BMP5: variants seen among roughly 807,000 people sequenced by gnomAD.
BMP5 encodes bone morphogenetic protein 5.
BMP5 carries 23 observed loss-of-function variants against 46.6 expected under a neutral mutation model. The ratio of observed to expected loss-of-function variants is 0.49; its 90% CI spans 0.35 to 0.70. BMP5 has a LOEUF of 0.70. Among genes scored for constraint, BMP5 ranks in the 30% least tolerant of loss-of-function variants. BMP5 has a pLI of 0.00. For synonymous variants in BMP5, 204 were observed against 191.9 expected (o/e 1.06, Z -0.52); for missense variants, 545 against 565.6 (o/e 0.96, Z 0.37).
intron 4 of BMP5, among the ~76,000 whole-genome samples, chr6:55,770,821 G>A (rs2127519829): frequency 6.6e-6 from 1 of 151,968 alleles, no homozygotes; most frequent in Non-Finnish European, 1.5e-5. Flanking sequence ...GGGAACCCAA[G>A]AGAAGGGAAA....
intron 1 of BMP5, among the ~76,000 whole-genome samples, chr6:55,834,841 G>A (rs1462414080): frequency 2.0e-5 from 3 of 152,178 alleles, no homozygotes; most frequent in South Asian, 2.1e-4. Context: ...AGCACTTTGG[G>A]AAGTTGAGGC....
At chr6:55,781,933 A>G (rs1246774521) in intron 3 of BMP5, among the ~76,000 whole-genome samples, 1 of 152,098 alleles carries the variant, frequency 6.6e-6, no homozygotes, top group Non-Finnish European at 1.5e-5. Flanking sequence ...GAACCTATCA[A>G]ATGATCATAG....
chr6:55,808,656 C>T (rs959847540), intron 2 of BMP5, among the ~76,000 whole-genome samples: 4 of 152,184 alleles, frequency 2.6e-5, no homozygotes, highest in South Asian at 2.1e-4. Flanking sequence ...ATGGAAAAAG[C>T]ATGTTTTCCC....
At chr6:55,814,098 C>T (rs1298793154) in intron 2 of BMP5, among the ~76,000 whole-genome samples, 1 of 151,966 alleles carries the variant, frequency 6.6e-6, no homozygotes. Flanking sequence ...AATGATATTG[C>T]TATTAAATTG....
chr6:55,827,586 T>G (rs578124213), intron 1 of BMP5, among the ~76,000 whole-genome samples: 34 of 151,932 alleles, frequency 2.2e-4, no homozygotes, highest in African/African-American at 7.9e-4. Flanking sequence ...TTAAGTTATT[T>G]TTATCACTGA....
At chr6:55,783,768 TA>T (rs1775381783) in intron 3 of BMP5, among the ~76,000 whole-genome samples, 1 of 152,018 alleles carries the variant, frequency 6.6e-6, no homozygotes, top group East Asian at 1.9e-4. Context: ...CAACAAAAAC[TA>T]AAAAATATTT....
At chr6:55,785,684 G>T (rs1441357014) in intron 3 of BMP5, among the ~76,000 whole-genome samples, 1 of 151,284 alleles carries the variant, frequency 6.6e-6, no homozygotes, top group Non-Finnish European at 1.5e-5. Flanking sequence ...ACATTAAAAT[G>T]ACCAACATAG....
At chr6:55,769,325 T>C (rs1390946898) in intron 4 of BMP5, among the ~76,000 whole-genome samples, 2 of 151,984 alleles carry the variant, frequency 1.3e-5, no homozygotes, top group Admixed American at 6.6e-5. Context: ...AAATCCTTTG[T>C]TGTCATTACA....
chr6:55,874,346 C>T (rs1777850541), intron 1 of BMP5, 30 bp downstream of exon 1: 1 of 1,612,324 alleles, frequency 6.2e-7, no homozygotes, highest in South Asian at 1.1e-5. Context: ...TTTGTAATAA[C>T]ATAGATTAAC....
chr6:55,869,523 G>A (rs1418317447), intron 1 of BMP5, among the ~76,000 whole-genome samples: 2 of 151,920 alleles, frequency 1.3e-5, no homozygotes, highest in East Asian at 3.9e-4. Flanking sequence ...TATTAAATAA[G>A]GATAATAAAC....
At chr6:55,865,105 T>G (rs1417276283) in intron 1 of BMP5, among the ~76,000 whole-genome samples, 1 of 152,172 alleles carries the variant, frequency 6.6e-6, no homozygotes, top group Non-Finnish European at 1.5e-5. Flanking sequence ...ACAGAGTGAC[T>G]TTCCTGCTTA....
rs765637312 is a variant in BMP5 at position 55,755,524 on chromosome 6, T to C, written c.*9A>G. On this transcript the variant is annotated 3_prime_UTR_variant, in exon 7 of 7. Coordinates refer to ENST00000370830, the MANE Select transcript of BMP5 (RefSeq NM_021073.4). The stretch of plus-strand genomic sequence containing the variant: ...CAGATCTTTTTGTTATTATCAATAT[T>C]ATTTAATATTAGTGGCAGCCACATG... 2.5e-6 allele frequency: 4 copies of C among 1,602,522 alleles called. No individual in the cohort carries two copies. The highest frequency in any genetic ancestry group is 3.4e-6 in the Non-Finnish European group (4 of 1,170,570).
chr6:55,869,990 G>A (rs1486762264), intron 1 of BMP5, among the ~76,000 whole-genome samples: 1 of 152,006 alleles, frequency 6.6e-6, no homozygotes, highest in African/African-American at 2.4e-5. Context: ...TGCCAAGAGA[G>A]CCTGGGGCTA....
At chr6:55,867,781 A>T (rs1305607495) in intron 1 of BMP5, among the ~76,000 whole-genome samples, 1 of 152,202 alleles carries the variant, frequency 6.6e-6, no homozygotes, top group Non-Finnish European at 1.5e-5. Flanking sequence ...ACATTCATCG[A>T]GGAAGGTGAT....
chr6:55,775,734 C>A (rs1322309859), intron 3 of BMP5, among the ~76,000 whole-genome samples: 1 of 151,828 alleles, frequency 6.6e-6, no homozygotes, highest in Non-Finnish European at 1.5e-5. Context: ...AAAATGGCAT[C>A]AATGGCATTT....
At chr6:55,783,197 T>G (rs1775367406) in intron 3 of BMP5, among the ~76,000 whole-genome samples, 1 of 152,070 alleles carries the variant, frequency 6.6e-6, no homozygotes, top group Non-Finnish European at 1.5e-5. Flanking sequence ...CCAGTTCCTA[T>G]TCCACTCTAA....
intron 1 of BMP5, among the ~76,000 whole-genome samples, chr6:55,834,757 T>G (rs1037518226): frequency 5.3e-5 from 8 of 152,118 alleles, no homozygotes; most frequent in African/African-American, 1.9e-4. Context: ...AGATTCTATA[T>G]GTGCTTACAT....
intron 5 of BMP5, 96 bp downstream of exon 5, chr6:55,760,361 G>T (rs1774740092): frequency 9.5e-6 from 10 of 1,051,676 alleles, no homozygotes; most frequent in Non-Finnish European, 1.0e-5. Flanking sequence ...AAAATCATTG[G>T]GTATTATATT....
At chr6:55,791,823 A>G (rs1164834700) in intron 3 of BMP5, among the ~76,000 whole-genome samples, 13 of 152,170 alleles carry the variant, frequency 8.5e-5, no homozygotes, top group Non-Finnish European at 1.2e-4. Context: ...TTAGTTAGAC[A>G]TTTCAAGCAT....
Sources: allele counts gnomAD v4.1 joint callset (sites outside exome capture counted in the v4.1 genomes callset), GRCh38; gene constraint gnomAD v4.1.1; transcripts MANE v1.5; gene names NCBI Gene and HGNC (gene_info 2026-07-23, HGNC 2026-07-21).